Variants in KIAA0825 observed in about 807,000 individuals in gnomAD.
The protein encoded by KIAA0825 is uncharacterized protein KIAA0825.
In KIAA0825, 119 loss-of-function variants were observed where a neutral mutation model predicts 147.6. The observed-to-expected ratio is 0.81, with a 90% CI of 0.69 to 0.94. The LOEUF (loss-of-function observed/expected upper bound fraction) is 0.94, where lower values mean the gene tolerates loss of function less well. KIAA0825 is among the 40% of genes least tolerant of loss of function. KIAA0825 has a pLI of 0.00. For synonymous variants in KIAA0825, 470 were observed against 518.1 expected, an observed-to-expected ratio of 0.91 and a Z score of 1.26; for missense variants, 1,381 against 1,472.7, an observed-to-expected ratio of 0.94 and a Z score of 1.02.
At chr5:94,326,298 T>G (rs1029766904) in intron 20 of KIAA0825, among the ~76,000 whole-genome samples, 2 of 152,172 alleles carry the variant, frequency 1.3e-5, no homozygotes, top group Non-Finnish European at 2.9e-5. Flanking sequence ...TCAGCAGCAT[T>G]TCTTTCATTA....
chr5:94,458,103 A>G (rs1759346549), intron 12 of KIAA0825, among the ~76,000 whole-genome samples: 1 of 152,188 alleles, frequency 6.6e-6, no homozygotes, highest in South Asian at 2.1e-4. Flanking sequence ...ACAGACAACT[A>G]CCTATGAATA....
At position 94,211,019 on chromosome 5, in the gene KIAA0825, C is replaced by T. The variant is rs539009984; in HGVS notation, c.3711-56895G>A. 6.6e-5 allele frequency among the ~76,000 whole-genome samples: 10 copies of T among 152,098 alleles called. No individual in the cohort carries two copies. The East Asian group carries it at 1.9e-3, about 29-fold the overall frequency. On this transcript the variant is annotated intron_variant, in intron 20 of 20. Transcript: ENST00000682413. Reference sequence around the variant, plus strand: ...ATTGCCCCATCTTGTCTACCACTACCCAGGAATAAGAGAGACAAAAATACT... The same window carrying T: ...ATTGCCCCATCTTGTCTACCACTACTCAGGAATAAGAGAGACAAAAATACT...
At chr5:94,566,050 T>C (rs944873598) in intron 2 of KIAA0825, among the ~76,000 whole-genome samples, 11 of 152,230 alleles carry the variant, frequency 7.2e-5, no homozygotes, top group Non-Finnish European at 1.5e-4. Flanking sequence ...TCCTGGCTTA[T>C]TTCACTTAGT....
intron 5 of KIAA0825, among the ~76,000 whole-genome samples, chr5:94,507,447 G>A (rs373333834): frequency 1.3e-5 from 2 of 151,314 alleles, no homozygotes; most frequent in South Asian, 2.1e-4. Flanking sequence ...GCAAGACACC[G>A]TCCCCCCGCC....
intron 2 of KIAA0825, among the ~76,000 whole-genome samples, chr5:94,560,735 C>T (rs1369702924): frequency 1.3e-5 from 2 of 152,172 alleles, no homozygotes; most frequent in African/African-American, 4.8e-5. Context: ...CATTTACCTC[C>T]GTCTGCAACC....
intron 5 of KIAA0825, among the ~76,000 whole-genome samples, chr5:94,518,777 T>A (rs1767647306): frequency 6.6e-6 from 1 of 152,084 alleles, no homozygotes; most frequent in Non-Finnish European, 1.5e-5. Flanking sequence ...AATTCTGGTG[T>A]TAAAGAGGAC....
At chr5:94,610,764 CAAAAA>C (rs756579848) in intron 1 of KIAA0825, among the ~76,000 whole-genome samples, 2 of 20,844 alleles carry the variant, frequency 9.6e-5, no homozygotes, top group Non-Finnish European at 1.8e-4. Flanking sequence ...ACTCTATCTG[CAAAAA>C]AAAAAAAAAA....
intron 20 of KIAA0825, among the ~76,000 whole-genome samples, chr5:94,321,509 C>A (rs964957279): frequency 6.6e-6 from 1 of 151,992 alleles, no homozygotes; most frequent in African/African-American, 2.4e-5. Context: ...CAAAATCACA[C>A]AGCTAGAAGA....
At chr5:94,556,018 G>T (rs929216165) in intron 2 of KIAA0825, among the ~76,000 whole-genome samples, 4 of 151,916 alleles carry the variant, frequency 2.6e-5, no homozygotes, top group African/African-American at 9.7e-5. Flanking sequence ...TGTATCAACT[G>T]GGAATAATAA....
At chr5:94,228,758 C>G (rs1774429190) in intron 20 of KIAA0825, among the ~76,000 whole-genome samples, 2 of 152,202 alleles carry the variant, frequency 1.3e-5, no homozygotes, top group Non-Finnish European at 2.9e-5. Flanking sequence ...CAAATGCTCT[C>G]AGTAGATCCA....
At chr5:94,280,364 T>C (rs1323169049) in intron 20 of KIAA0825, among the ~76,000 whole-genome samples, 1 of 152,074 alleles carries the variant, frequency 6.6e-6, no homozygotes, top group Non-Finnish European at 1.5e-5. Flanking sequence ...CGGTTAGCCA[T>C]GAGGGATCCA....
intron 14 of KIAA0825, among the ~76,000 whole-genome samples, chr5:94,431,105 G>A (rs1339592813): frequency 6.6e-6 from 1 of 151,896 alleles, no homozygotes; most frequent in African/African-American, 2.4e-5. Flanking sequence ...AGTAATCAGA[G>A]GATAAAAAAT....
intron 20 of KIAA0825, among the ~76,000 whole-genome samples, chr5:94,165,734 G>C (rs533322281): frequency 1.1e-4 from 17 of 152,288 alleles, no homozygotes; most frequent in African/African-American, 3.8e-4. Context: ...ATTATGTTAA[G>C]TGAAATAAGC....
intron 14 of KIAA0825, among the ~76,000 whole-genome samples, chr5:94,438,163 C>A (rs1232205384): frequency 6.6e-6 from 1 of 152,166 alleles, no homozygotes; most frequent in African/African-American, 2.4e-5. Context: ...GGACAGAAAG[C>A]TCTGGCTGGG....
At chr5:94,584,471 G>T (rs377132320) in intron 1 of KIAA0825, among the ~76,000 whole-genome samples, 1 of 152,102 alleles carries the variant, frequency 6.6e-6, no homozygotes, top group Non-Finnish European at 1.5e-5. Context: ...GAAATAAAGC[G>T]AGAAGACAAG....
intron 5 of KIAA0825, among the ~76,000 whole-genome samples, chr5:94,486,336 G>A (rs970495811): frequency 6.6e-6 from 1 of 151,970 alleles, no homozygotes; most frequent in African/African-American, 2.4e-5. Flanking sequence ...TCACATGGAT[G>A]GTAGAAGGAA....
intron 13 of KIAA0825, among the ~76,000 whole-genome samples, chr5:94,440,600 C>A (rs1373569061): frequency 3.3e-5 from 5 of 152,086 alleles, no homozygotes; most frequent in African/African-American, 1.2e-4. Context: ...CAAGGGTCAA[C>A]CGTAATCTAA....
chr5:94,584,782 GC>G (rs1782932736), intron 1 of KIAA0825, among the ~76,000 whole-genome samples: 1 of 152,168 alleles, frequency 6.6e-6, no homozygotes, highest in African/African-American at 2.4e-5. Flanking sequence ...GTTAAGGACA[GC>G]CAGAGAGAAA....
intron 2 of KIAA0825, among the ~76,000 whole-genome samples, chr5:94,548,000 C>T (rs1462222306): frequency 6.6e-6 from 1 of 151,910 alleles, no homozygotes; most frequent in Non-Finnish European, 1.5e-5. Flanking sequence ...AAAGACCTGA[C>T]CTACAAAAAA....
Sources: allele counts gnomAD v4.1 joint callset (sites outside exome capture counted in the v4.1 genomes callset), GRCh38; gene constraint gnomAD v4.1.1; transcripts MANE v1.5; gene names NCBI Gene and HGNC (gene_info 2026-07-23, HGNC 2026-07-21).